The following HIVEP3 variants were observed in gnomAD, a reference collection of about 807,000 sequenced individuals.
The protein encoded by HIVEP3 is transcription factor HIVEP3.
Under a neutral mutation model 152.8 loss-of-function variants are expected in HIVEP3, and 49 were observed. The observed-to-expected ratio is 0.32, with a 90% CI of 0.26 to 0.41. The LOEUF (loss-of-function observed/expected upper bound fraction) is 0.41, where lower values mean the gene tolerates loss of function less well. Among genes scored for constraint, HIVEP3 ranks in the 10% least tolerant of loss-of-function variants. The pLI is 1.00. For missense variants in HIVEP3, 2,790 were observed against 3,103.3 expected (o/e 0.90, Z 2.40); for synonymous variants, 1,269 against 1,289.0 (o/e 0.98, Z 0.33).
At chr1:41,824,300 T>G (rs1443663666) in intron 1 of HIVEP3, among the ~76,000 whole-genome samples, 2 of 152,210 alleles carry the variant, frequency 1.3e-5, no homozygotes, top group Non-Finnish European at 2.9e-5. Context: ...CTGCTTCAAA[T>G]AGTCATTTCC....
intron 1 of HIVEP3, among the ~76,000 whole-genome samples, chr1:41,915,756 G>T (rs531642894): frequency 6.6e-6 from 1 of 152,292 alleles, no homozygotes; most frequent in African/African-American, 2.4e-5. Flanking sequence ...AGTGGTCTTG[G>T]TAAGGTTATG....
intron 5 of HIVEP3, among the ~76,000 whole-genome samples, chr1:41,557,492 TA>T (rs1011544080): frequency 2.6e-4 from 40 of 151,744 alleles, no homozygotes; most frequent in African/African-American, 9.5e-4. Context: ...GAAAATGGGG[TA>T]GGGGCACCTG....
At chr1:41,928,543 A>G (rs1294110121) in intron 1 of HIVEP3, among the ~76,000 whole-genome samples, 1 of 152,162 alleles carries the variant, frequency 6.6e-6, no homozygotes, top group East Asian at 1.9e-4. Context: ...AATTTTCTCT[A>G]ATGTTACCAG....
chr1:41,701,446 C>G (rs2124129010), intron 1 of HIVEP3, among the ~76,000 whole-genome samples: 1 of 152,338 alleles, frequency 6.6e-6, no homozygotes, highest in African/African-American at 2.4e-5. Context: ...GAGATGAAGT[C>G]TCTGAGTGTG....
chr1:41,615,849 A>G (rs1380836613), intron 3 of HIVEP3, among the ~76,000 whole-genome samples: 6 of 97,850 alleles, frequency 6.1e-5, no homozygotes, highest in Non-Finnish European at 7.4e-5. Flanking sequence ...TTTTTTTAGC[A>G]GGGTGGTGAG....
At chr1:41,699,263 G>A (rs1308848902) in intron 2 of HIVEP3, among the ~76,000 whole-genome samples, 1 of 152,180 alleles carries the variant, frequency 6.6e-6, no homozygotes, top group Non-Finnish European at 1.5e-5. Flanking sequence ...GCCTTCCTGA[G>A]GCTCTGATGG....
At chr1:41,606,849 T>A (rs1644829257) in intron 3 of HIVEP3, among the ~76,000 whole-genome samples, 1 of 149,728 alleles carries the variant, frequency 6.7e-6, no homozygotes, top group Non-Finnish European at 1.5e-5. Flanking sequence ...AATTTTTGAG[T>A]CTCTCTGGAA....
intron 1 of HIVEP3, among the ~76,000 whole-genome samples, chr1:41,952,557 C>A (rs1328796981): frequency 6.6e-6 from 1 of 152,156 alleles, no homozygotes; most frequent in Non-Finnish European, 1.5e-5. Context: ...TTCACCAAAG[C>A]CTTGACATTC....
At chr1:41,791,757 A>G (rs1169389611) in intron 1 of HIVEP3, among the ~76,000 whole-genome samples, 1 of 152,200 alleles carries the variant, frequency 6.6e-6, no homozygotes, top group East Asian at 1.9e-4. Flanking sequence ...CCTAGCCAAT[A>G]TAACAGACAT....
intron 1 of HIVEP3, among the ~76,000 whole-genome samples, chr1:41,852,615 C>T (rs1235840699): frequency 6.6e-6 from 1 of 152,134 alleles, no homozygotes; most frequent in Non-Finnish European, 1.5e-5. Flanking sequence ...GGATGGATTC[C>T]CAAGATTGGA....
rs1274239051 is a variant in HIVEP3, at chr1:41,583,131, G to T, written c.1667C>A (p.Pro556His). 1 of 1,613,470 alleles carries T rather than the reference G, an allele frequency of 6.2e-7. No homozygotes were observed. The highest frequency in any genetic ancestry group is 2.2e-5 in the East Asian group (1 of 44,878). ...ATCGAAGGAGTAGCTACCTCGGAAG[G>T]GGTGGTGGGGGGTGCTGATAGTGCA... ...AACTISTPHH[P>H]FRGSYSFDDH... Residue 556 changes from proline (P) to histidine (H), a missense_variant, in exon 4 of 9, where the codon CCC becomes CAC. This residue lies in a region of HIVEP3 where 339 missense variants were observed against 327.0 expected (regional missense o/e 1.04). Transcript: ENST00000372583. This position sits in a 1 kb window ranked among gnomAD's most constrained non-coding sequence, Gnocchi z 6.9.
intron 1 of HIVEP3, among the ~76,000 whole-genome samples, chr1:41,963,060 GGAGTGCAGTGGCGC>G (rs1645177471): frequency 6.6e-6 from 1 of 152,126 alleles, no homozygotes; most frequent in African/African-American, 2.4e-5. Flanking sequence ...CACCCAGGCT[GGAGTGCAGTGGCGC>G]GATCTCGGCT....
intron 1 of HIVEP3, among the ~76,000 whole-genome samples, chr1:41,894,598 C>T (rs571750370): frequency 4.6e-5 from 7 of 152,224 alleles, no homozygotes; most frequent in South Asian, 2.1e-4. Context: ...TTTCCACTCC[C>T]GAAACATGCA....
chr1:41,540,335 G>A (rs754965490), intron 5 of HIVEP3, among the ~76,000 whole-genome samples: 17 of 152,238 alleles, frequency 1.1e-4, no homozygotes, highest in Non-Finnish European at 1.9e-4. Context: ...AGCTCAAGGT[G>A]TCAGCACCAT....
chr1:41,666,139 GTGTA>G (rs1337386774), intron 2 of HIVEP3, among the ~76,000 whole-genome samples: 3 of 151,966 alleles, frequency 2.0e-5, no homozygotes, highest in Admixed American at 6.6e-5. Flanking sequence ...GTGTGTGTGT[GTGTA>G]TGTGTGTGTG....
At chr1:41,904,942 G>A (rs926934807) in intron 1 of HIVEP3, among the ~76,000 whole-genome samples, 2 of 152,208 alleles carry the variant, frequency 1.3e-5, no homozygotes, top group African/African-American at 4.8e-5. Context: ...TGGCTGTGAT[G>A]AAGGCTGCCC....
At chr1:41,670,770 G>C (rs1390249268) in intron 2 of HIVEP3, among the ~76,000 whole-genome samples, 2 of 152,178 alleles carry the variant, frequency 1.3e-5, no homozygotes, top group East Asian at 3.9e-4. Flanking sequence ...ATTAAGCCAC[G>C]CAGTTACTAG....
At chr1:41,647,299 G>A (rs1251093490) in intron 2 of HIVEP3, among the ~76,000 whole-genome samples, 1 of 152,198 alleles carries the variant, frequency 6.6e-6, no homozygotes, top group Non-Finnish European at 1.5e-5. Flanking sequence ...TGGAAGGAAG[G>A]TGGCCCAGGA....
intron 1 of HIVEP3, among the ~76,000 whole-genome samples, chr1:42,011,558 C>G (rs1340252011): frequency 2.6e-5 from 4 of 152,190 alleles, no homozygotes; most frequent in Non-Finnish European, 5.9e-5. Flanking sequence ...TGTTAGGGTT[C>G]TAGCTAAGGT....
Sources: gnomAD v4.1 joint callset for allele counts (sites outside exome capture counted in the v4.1 genomes callset) on GRCh38, gnomAD v4.1.1 for gene constraint, gnomAD v4.1.1 regional missense constraint, Gnocchi (gnomAD v3.1) non-coding constraint, MANE v1.5 for transcripts, NCBI Gene and HGNC (gene_info 2026-07-23, HGNC 2026-07-21) for gene names.